The following ST18 variants were observed in gnomAD, a reference collection of about 807,000 sequenced individuals.
ST18 encodes suppression of tumorigenicity 18 protein.
Under a neutral mutation model 110.0 loss-of-function variants are expected in ST18, and 50 were observed. The observed-to-expected ratio is 0.45, with a 90% CI of 0.36 to 0.58. ST18 has a LOEUF of 0.58. Among genes scored for constraint, ST18 ranks in the 20% least tolerant of loss-of-function variants. The pLI, the probability that ST18 is intolerant of heterozygous loss-of-function variation, is 0.00. For missense variants in ST18, 1,306 were observed against 1,280.1 expected, an observed-to-expected ratio of 1.02 and a Z score of -0.31; for synonymous variants, 461 against 452.4, an observed-to-expected ratio of 1.02 and a Z score of -0.24.
intron 16 of ST18, among the ~76,000 whole-genome samples, chr8:52,147,186 T>C (rs1297696222): frequency 6.6e-6 from 1 of 152,174 alleles, no homozygotes; most frequent in Non-Finnish European, 1.5e-5. Context: ...CCATCTTGTG[T>C]GTGTGAATTT....
chr8:52,401,286 G>T (rs903514350), intron 2 of ST18, among the ~76,000 whole-genome samples: 1 of 151,872 alleles, frequency 6.6e-6, no homozygotes, highest in African/African-American at 2.4e-5. Context: ...CATTTTTATT[G>T]TAATATGACT....
chr8:52,140,364 T>A (rs1230103848), intron 17 of ST18, among the ~76,000 whole-genome samples: 1 of 152,100 alleles, frequency 6.6e-6, no homozygotes, highest in Admixed American at 6.6e-5. Context: ...ACCCTGTCTC[T>A]ACTAAAAATA....
At chr8:52,286,613 A>AAT (rs1375529054) in intron 2 of ST18, among the ~76,000 whole-genome samples, 1 of 152,022 alleles carries the variant, frequency 6.6e-6, no homozygotes, top group East Asian at 1.9e-4. Flanking sequence ...AGGATATACT[A>AAT]ATAGGCACAG....
Position 52,122,892 on chromosome 8 carries a change from GAGGAGAGTTAATA to G in ST18, c.2755+3147_2755+3159del, listed in dbSNP as rs1211640397. ...TTGGCTATTTAGTTACTAAAGGAGT[GAGGAGAGTTAATA>G]TCTAGAAATAAATTATATATAACTA... On this transcript the variant is annotated intron_variant, in intron 23 of 25. Coordinates refer to ENST00000689386, the MANE Select transcript of ST18 (RefSeq NM_001352837.2). Among the ~76,000 whole-genome samples the G allele has an allele frequency of 5.2e-4, 79 of 152,218 alleles. 3 individuals are homozygous for G. In the South Asian group the frequency reaches 0.016, roughly 31 times the overall value.
chr8:52,235,366 C>A (rs575527791), intron 2 of ST18, among the ~76,000 whole-genome samples: 1 of 152,042 alleles, frequency 6.6e-6, no homozygotes, highest in Non-Finnish European at 1.5e-5. Flanking sequence ...TCAGAGCTCA[C>A]GGTCAGCTCC....
intron 2 of ST18, among the ~76,000 whole-genome samples, chr8:52,268,495 CTATCTATCTATCTATT>C (rs1224814182): frequency 1.4e-3 from 136 of 100,502 alleles, no homozygotes; most frequent in African/African-American, 3.8e-3. Context: ...ATCTATCTAT[CTATCTATCTATCTATT>C]TATCTATCTA....
At chr8:52,228,984 G>T (rs563549636) in intron 3 of ST18, among the ~76,000 whole-genome samples, 1 of 152,142 alleles carries the variant, frequency 6.6e-6, no homozygotes, top group African/African-American at 2.4e-5. Flanking sequence ...ATCATATAAA[G>T]AATTTCTGAT....
intron 23 of ST18, among the ~76,000 whole-genome samples, chr8:52,122,353 G>A (rs908039976): frequency 7.9e-5 from 12 of 151,918 alleles, no homozygotes; most frequent in Non-Finnish European, 1.6e-4. Context: ...CTTGTATAGA[G>A]CAAGTATTCT....
At chr8:52,182,427 T>C (rs569814501) in intron 8 of ST18, among the ~76,000 whole-genome samples, 3 of 152,366 alleles carry the variant, frequency 2.0e-5, no homozygotes, top group South Asian at 4.1e-4. Context: ...CAAATTGATA[T>C]GTGGTGCATA....
At position 52,161,580 on chromosome 8, in the gene ST18, G is replaced by C; in HGVS notation, c.1401-12C>G. ...TCACCAAACTTGTCCTGGAGAGGGG[G>C]GTGAAGCAGTTCAAAAGAAATACAA... On this transcript the variant is annotated splice_polypyrimidine_tract_variant and intron_variant, in intron 13 of 25. Coordinates refer to ENST00000689386, the MANE Select transcript of ST18 (RefSeq NM_001352837.2). 1 of 1,613,122 alleles carries C rather than the reference G, an allele frequency of 6.2e-7. No individual in the cohort carries two copies. The highest frequency in any genetic ancestry group is 8.5e-7 in the Non-Finnish European group (1 of 1,179,516).
At chr8:52,257,828 T>C (rs1047496155) in intron 2 of ST18, among the ~76,000 whole-genome samples, 4 of 148,848 alleles carry the variant, frequency 2.7e-5, no homozygotes, top group Admixed American at 2.7e-4. Flanking sequence ...ATTTGTGCTT[T>C]GGTGTCATAG....
intron 2 of ST18, among the ~76,000 whole-genome samples, chr8:52,365,783 C>T (rs1212598668): frequency 6.6e-6 from 1 of 151,960 alleles, no homozygotes; most frequent in Non-Finnish European, 1.5e-5. Context: ...ACTACAGCCT[C>T]GACCTCACAG....
intron 5 of ST18, among the ~76,000 whole-genome samples, chr8:52,219,689 A>T (rs927857041): frequency 1.3e-5 from 2 of 152,120 alleles, no homozygotes; most frequent in Non-Finnish European, 2.9e-5. Flanking sequence ...TTTTCTGGGA[A>T]GCAGATCTTC....
chr8:52,269,347 C>A (rs1005988932), intron 2 of ST18, among the ~76,000 whole-genome samples: 2 of 152,192 alleles, frequency 1.3e-5, no homozygotes, highest in Non-Finnish European at 2.9e-5. Context: ...CCGGATGCCC[C>A]ATTCCAAGGG....
At chr8:52,264,894 T>A (rs2094816992) in intron 2 of ST18, among the ~76,000 whole-genome samples, 1 of 152,198 alleles carries the variant, frequency 6.6e-6, no homozygotes, top group African/African-American at 2.4e-5. Flanking sequence ...TCTGTAATTG[T>A]TTGTTTTCTG....
At chr8:52,115,069 G>T (rs572512931) in intron 25 of ST18, among the ~76,000 whole-genome samples, 1 of 152,152 alleles carries the variant, frequency 6.6e-6, no homozygotes, top group African/African-American at 2.4e-5. Flanking sequence ...ATTTTGCTTT[G>T]TGTTCATTAT....
At chr8:52,168,621 T>C (rs1335567032) in intron 10 of ST18, among the ~76,000 whole-genome samples, 1 of 152,048 alleles carries the variant, frequency 6.6e-6, no homozygotes, top group Non-Finnish European at 1.5e-5. Context: ...CAGGAAGTCT[T>C]AAATGAGCAA....
intron 12 of ST18, among the ~76,000 whole-genome samples, chr8:52,164,391 A>T (rs771798889): frequency 1.5e-4 from 23 of 152,224 alleles, no homozygotes; most frequent in Non-Finnish European, 2.8e-4. Flanking sequence ...GAATGTGCTC[A>T]TTCCAATTGC....
intron 8 of ST18, among the ~76,000 whole-genome samples, chr8:52,206,959 G>GT: frequency 6.6e-6 from 1 of 152,164 alleles, no homozygotes; most frequent in South Asian, 2.1e-4. Flanking sequence ...TTAGAAATCA[G>GT]TATCAGTTCA....
Sources: gnomAD v4.1 joint callset for allele counts (sites outside exome capture counted in the v4.1 genomes callset) on GRCh38, gnomAD v4.1.1 for gene constraint, MANE v1.5 for transcripts, NCBI Gene and HGNC (gene_info 2026-07-23, HGNC 2026-07-21) for gene names.